The following MAP3K20 variants were observed in gnomAD, a reference collection of about 807,000 sequenced individuals.
MAP3K20 encodes the protein mitogen-activated protein kinase kinase kinase 20, also known as HCCS-4.
Under a neutral mutation model 85.7 loss-of-function variants are expected in MAP3K20, and 40 were observed. The ratio of observed to expected loss-of-function variants is 0.47; its 90% confidence interval spans 0.36 to 0.61. The LOEUF (loss-of-function observed/expected upper bound fraction) is 0.61, where lower values mean the gene tolerates loss of function less well. MAP3K20 is among the 20% of genes least tolerant of loss of function. The probability of loss-of-function intolerance (pLI) is 0.00; values close to 1 mark genes in which losing one functional copy is unlikely to be tolerated. For synonymous variants in MAP3K20, 325 were observed against 327.7 expected, an observed-to-expected ratio of 0.99 and a Z score of 0.09; for missense variants, 817 against 961.7, an observed-to-expected ratio of 0.85 and a Z score of 1.99.
intron 2 of MAP3K20, among the ~76,000 whole-genome samples, chr2:173,098,315 A>G (rs1159352431): frequency 5.3e-5 from 8 of 152,234 alleles, no homozygotes; most frequent in African/African-American, 1.9e-4. Context: ...CAAGTTGAGT[A>G]TCCCTAATCT....
intron 10 of MAP3K20, among the ~76,000 whole-genome samples, chr2:173,216,266 A>G (rs1329734526): frequency 2.0e-5 from 3 of 152,240 alleles, no homozygotes; most frequent in African/African-American, 2.4e-5. Flanking sequence ...AACATGGCAC[A>G]TGGTTCCAAG....
intron 11 of MAP3K20, among the ~76,000 whole-genome samples, chr2:173,220,080 G>GAAAAAAAAAAAAAAAAAAAAAAA (rs76443589): frequency 1.2e-5 from 1 of 85,466 alleles, no homozygotes. Flanking sequence ...AAAAAAAAAG[G>GAAAAAAAAAAAAAAAAAAAAAAA]AAACTGATCC....
chr2:173,134,415 T>C (rs1475138446), intron 2 of MAP3K20, among the ~76,000 whole-genome samples: 1 of 16,428 alleles, frequency 6.1e-5, no homozygotes, highest in African/African-American at 2.1e-4. Flanking sequence ...TATATATATA[T>C]ATATATATAT....
At position 173,094,184 on chromosome 2, in the gene MAP3K20, A is replaced by G. The variant is rs189981826; in HGVS notation, c.159+2994A>G. Among the ~76,000 whole-genome samples, 32 of 151,210 alleles carry G rather than the reference A, an allele frequency of 2.1e-4. No homozygotes were observed. The East Asian group carries it at 4.7e-3, about 22-fold the overall frequency. ...CCTAGAGAACAATTAAAAGAATACT[A>G]CTATGAACTCTAGTACGTTTTATTC... On this transcript the variant is annotated intron_variant, in intron 2 of 19. Transcript: ENST00000375213.
chr2:173,173,415 CTTT>C (rs1266157077), intron 3 of MAP3K20, among the ~76,000 whole-genome samples: 1 of 152,076 alleles, frequency 6.6e-6, no homozygotes, highest in East Asian at 1.9e-4. Context: ...CTGGAAATTG[CTTT>C]GTTCTCAGGG....
chr2:173,222,105 G>A (rs1242583211), intron 11 of MAP3K20: 2 of 913,694 alleles, frequency 2.2e-6, no homozygotes, highest in African/African-American at 3.6e-5. Context: ...GGGAGGCCAA[G>A]GCAGGAGGAT....
chr2:173,224,117 A>G, intron 11 of MAP3K20: 1 of 857,318 alleles, frequency 1.2e-6, no homozygotes, highest in Non-Finnish European at 1.4e-6. Context: ...ATATGTTCAC[A>G]TTTGATAAGT....
intron 11 of MAP3K20, chr2:173,226,559 T>G: frequency 1.0e-6 from 1 of 985,862 alleles, no homozygotes; most frequent in South Asian, 4.7e-5. Flanking sequence ...ATTTCTATGA[T>G]GAAAAATGAG....
Position 173,266,674 on chromosome 2 carries a change from A to G in MAP3K20, c.2327A>G (p.Lys776Arg), listed in dbSNP as rs753431132. The change falls in exon 20 of 20, where the codon AAG becomes AGG. Residue 776 changes from lysine to arginine, a missense_variant. By Grantham distance (26) the Lys-to-Arg change is conservative (BLOSUM62 2). Around this residue, in one of 4 missense-constraint regions of MAP3K20, gnomAD observed 454 missense variants for 476.9 expected, o/e 0.95. Coordinates refer to ENST00000375213, the MANE Select transcript of MAP3K20 (RefSeq NM_016653.3). ...TGGACAAAAGTGGAATACCGGAAAA[A>G]GCCCCACAGGCCATCTCCCGCCAAA... ...GGWTKVEYRK[K>R]PHRPSPAKTN... is the part of the protein sequence containing the mutation. The G allele has an allele frequency of 3.7e-6, 6 of 1,608,824 alleles. No individual in the cohort carries two copies. Among genetic ancestry groups the G allele is most frequent in the Admixed American group, 1.7e-5 (1 of 59,120 alleles).
intron 2 of MAP3K20, among the ~76,000 whole-genome samples, chr2:173,138,220 C>T (rs774139667): frequency 4.6e-5 from 7 of 152,258 alleles, no homozygotes; most frequent in African/African-American, 9.6e-5. Flanking sequence ...TCGCCCGCCT[C>T]GGCCTCCCAA....
chr2:173,078,758 A>T (rs1449394083), intron 1 of MAP3K20, among the ~76,000 whole-genome samples: 1 of 152,226 alleles, frequency 6.6e-6, no homozygotes, highest in African/African-American at 2.4e-5. Flanking sequence ...GCAATCCAGT[A>T]ATTACTGTAA....
rs1477436481 is a variant in MAP3K20 at position 173,145,597 on chromosome 2, T to C, written c.160-24208T>C. Among the ~76,000 whole-genome samples, 4 of 152,060 alleles carry C rather than the reference T, an allele frequency of 2.6e-5. No individual in the cohort carries two copies. The East Asian group carries it at 5.8e-4, about 22-fold the overall frequency. ...TTCACCCAGACTAGAAAGGCTAAAA[T>C]TTAAAAAACCCAAAACACCCAGTGT... is the stretch of plus-strand genomic sequence containing the variant. On this transcript the variant is annotated intron_variant, in intron 2 of 19. Coordinates refer to ENST00000375213, the MANE Select transcript of MAP3K20 (RefSeq NM_016653.3).
At chr2:173,251,363 C>A (rs1685038227) in intron 16 of MAP3K20, among the ~76,000 whole-genome samples, 1 of 152,072 alleles carries the variant, frequency 6.6e-6, no homozygotes, top group African/African-American at 2.4e-5. Flanking sequence ...TGAAAATTAA[C>A]CTCTCAGCTT....
chr2:173,179,704 G>GCGCACACACACA (rs374335619), intron 3 of MAP3K20, among the ~76,000 whole-genome samples: 34 of 146,176 alleles, frequency 2.3e-4, no homozygotes, highest in East Asian at 1.0e-3. Flanking sequence ...TAAGGAATGC[G>GCGCACACACACA]CACACACACA....
intron 16 of MAP3K20, among the ~76,000 whole-genome samples, chr2:173,254,286 G>A (rs1574161002): frequency 1.3e-5 from 2 of 151,764 alleles, no homozygotes; most frequent in East Asian, 3.9e-4. Context: ...AAATTAGCTG[G>A]GCGTGGTGGC....
chr2:173,123,778 A>ATT (rs35552132), intron 2 of MAP3K20, among the ~76,000 whole-genome samples: 48 of 149,528 alleles, frequency 3.2e-4, no homozygotes, highest in East Asian at 9.7e-4. Flanking sequence ...CACCCAGTAC[A>ATT]TTTTTTTTTT....
At chr2:173,185,266 G>C (rs13008554) in intron 4 of MAP3K20, among the ~76,000 whole-genome samples, 21,474 of 152,030 alleles carry the variant, frequency 0.14, 1,870 homozygotes, top group Non-Finnish European at 0.2. Context: ...GGGAAGGAGA[G>C]AATGGGATTG....
intron 16 of MAP3K20, among the ~76,000 whole-genome samples, chr2:173,257,067 G>A (rs1685178554): frequency 1.3e-5 from 2 of 152,150 alleles, no homozygotes; most frequent in African/African-American, 4.8e-5. Context: ...AGGAGCCTGA[G>A]GTGGGAGAAT....
intron 16 of MAP3K20, 44 bp downstream of exon 16, chr2:173,239,540 ACT>A (rs1187917196): frequency 6.4e-7 from 1 of 1,561,658 alleles, no homozygotes; most frequent in African/African-American, 1.4e-5. Context: ...CAATCGAACT[ACT>A]CTTTTTTCTC....
Sources: allele counts gnomAD v4.1 joint callset (sites outside exome capture counted in the v4.1 genomes callset), GRCh38; gene constraint gnomAD v4.1.1; regional missense constraint gnomAD v4.1.1; transcripts MANE v1.5; gene names NCBI Gene and HGNC (gene_info 2026-07-23, HGNC 2026-07-21).